Variants in PRKN observed in about 807,000 individuals in gnomAD.
PRKN encodes E3 ubiquitin-protein ligase parkin.
A neutral mutation model predicts 59.5 loss-of-function variants in PRKN; 56 were observed. The ratio of observed to expected loss-of-function variants is 0.94; its 90% CI spans 0.76 to 1.18. The LOEUF (loss-of-function observed/expected upper bound fraction) is 1.18, where lower values mean the gene tolerates loss of function less well. Ranked by LOEUF, PRKN falls within the 50% of genes most tolerant of loss-of-function variation. The pLI is 0.00. For synonymous variants in PRKN, 250 were observed against 222.1 expected, an observed-to-expected ratio of 1.13 and a Z score of -1.12; for missense variants, 657 against 596.4, an observed-to-expected ratio of 1.10 and a Z score of -1.06.
intron 10 of PRKN, among the ~76,000 whole-genome samples, chr6:161,368,533 C>T (rs1020303507): frequency 2.5e-4 from 38 of 151,106 alleles, no homozygotes; most frequent in Non-Finnish European, 1.0e-4. Flanking sequence ...CCAGACTAGG[C>T]GACAGGGCAA....
At chr6:162,136,825 T>C (rs1781578288) in intron 4 of PRKN, among the ~76,000 whole-genome samples, 1 of 152,192 alleles carries the variant, frequency 6.6e-6, no homozygotes, top group South Asian at 2.1e-4. Context: ...TTATTGTTTA[T>C]TGTCAGTTGC....
chr6:161,724,445 G>C (rs1390592408), intron 7 of PRKN, among the ~76,000 whole-genome samples: 1 of 152,158 alleles, frequency 6.6e-6, no homozygotes, highest in East Asian at 1.9e-4. Flanking sequence ...TTCTCTCTCA[G>C]GGATGGTGCC....
intron 6 of PRKN, among the ~76,000 whole-genome samples, chr6:161,931,950 C>T (rs1320554694): frequency 1.3e-5 from 2 of 152,108 alleles, no homozygotes; most frequent in African/African-American, 4.8e-5. Context: ...ATTCATCCAT[C>T]GAAGGCAATG....
At chr6:162,265,447 T>C (rs577571713) in intron 2 of PRKN, among the ~76,000 whole-genome samples, 18 of 152,130 alleles carry the variant, frequency 1.2e-4, no homozygotes, top group South Asian at 2.1e-4. Context: ...TCCAAGCACT[T>C]TGGGAGACTG....
intron 4 of PRKN, among the ~76,000 whole-genome samples, chr6:162,189,932 C>T (rs1030461661): frequency 4.6e-5 from 7 of 151,930 alleles, no homozygotes; most frequent in African/African-American, 7.3e-5. Flanking sequence ...TCTGAGTGTA[C>T]GCTTATTAGC....
chr6:162,080,156 C>G (rs181156692), intron 4 of PRKN, among the ~76,000 whole-genome samples: 4 of 152,116 alleles, frequency 2.6e-5, no homozygotes, highest in African/African-American at 9.6e-5. Flanking sequence ...GAGATGATTT[C>G]TAAAGAGAGA....
At chr6:162,203,093 GA>G (rs1784797617) in intron 3 of PRKN, among the ~76,000 whole-genome samples, 1 of 152,140 alleles carries the variant, frequency 6.6e-6, no homozygotes, top group South Asian at 2.1e-4. Flanking sequence ...AATATTAAAA[GA>G]AGCATCTCAG....
At chr6:162,140,637 C>G (rs1416778196) in intron 4 of PRKN, among the ~76,000 whole-genome samples, 1 of 152,106 alleles carries the variant, frequency 6.6e-6, no homozygotes, top group Non-Finnish European at 1.5e-5. Flanking sequence ...GGAGGAAAGA[C>G]AATTGCCACA....
At chr6:162,715,865 A>G (rs1191341081) in intron 1 of PRKN, among the ~76,000 whole-genome samples, 3 of 152,118 alleles carry the variant, frequency 2.0e-5, no homozygotes, top group Admixed American at 2.0e-4. Flanking sequence ...TCTCTGTTTC[A>G]AACGCGCTTT....
chr6:162,726,539 T>C lies in PRKN; in HGVS notation c.7+1123A>G, dbSNP rs1479232539. On this transcript the variant is annotated intron_variant, in intron 1 of 11. Transcript: ENST00000366898. ...CATTCTTGTTTTACCACAAAGACCA[T>C]GCCAGTTAGCTGGCTTGATTCTCCC... Among the ~76,000 whole-genome samples the C allele has an allele frequency of 2.6e-5, 4 of 152,348 alleles. No homozygotes were observed. The East Asian group carries it at 7.7e-4, about 29-fold the overall frequency.
intron 2 of PRKN, chr6:162,269,903 A>G (rs1465721711): frequency 2.0e-5 from 3 of 152,110 alleles, no homozygotes; most frequent in African/African-American, 7.2e-5. Flanking sequence ...ATCAGGGAAC[A>G]CTTCTACACT....
At chr6:162,617,320 T>C (rs1292403279) in intron 1 of PRKN, among the ~76,000 whole-genome samples, 1 of 152,080 alleles carries the variant, frequency 6.6e-6, no homozygotes, top group East Asian at 1.9e-4. Flanking sequence ...CAACAAACAC[T>C]TCCCAGGTTC....
rs1047416282 is a variant in PRKN, at chr6:161,446,645, T to C, written c.1084-59768A>G. Among the ~76,000 whole-genome samples, 2 of 152,222 alleles carry C rather than the reference T, an allele frequency of 1.3e-5. No individual in the cohort carries two copies. The highest frequency in any genetic ancestry group is 4.8e-5 in the African/African-American group (2 of 41,476). On this transcript the variant is annotated intron_variant, in intron 9 of 11. Transcript: ENST00000366898. The surrounding 1 kb of genome is among the most constrained non-coding windows in gnomAD (Gnocchi z 6.2). ...TTGAAACTAAATGCAGCCTCTTTTC[T>C]ACCCATGATTTATTAGACCTCCCCT...
chr6:162,443,583 T>A, intron 1 of PRKN, 110 bp from the exon 2 acceptor site: 1 of 968,188 alleles, frequency 1.0e-6, no homozygotes, highest in South Asian at 1.3e-5. Context: ...CTTCAGTGAA[T>A]GGTATATATT....
rs1278499479 is a variant in PRKN, at chr6:161,390,888, C to G, written c.1084-4011G>C. 6.6e-6 allele frequency among the ~76,000 whole-genome samples: 1 copy of G among 152,102 alleles called. No individual in the cohort carries two copies. The highest frequency in any genetic ancestry group is 1.5e-5 in the Non-Finnish European group (1 of 68,044). On this transcript the variant is annotated intron_variant, in intron 9 of 11. Transcript: ENST00000366898. This position sits in a 1 kb window ranked among gnomAD's most constrained non-coding sequence, Gnocchi z 7.0. ...CTATTAAGTCGTTATGACATTAATT[C>G]TTACTATGCTACGTGGTACAAAACC...
At chr6:162,211,566 T>TAACGTA (rs760398674) in intron 3 of PRKN, among the ~76,000 whole-genome samples, 1 of 152,182 alleles carries the variant, frequency 6.6e-6, no homozygotes, top group Non-Finnish European at 1.5e-5. Context: ...ACCTGTTACG[T>TAACGTA]AAATGAACCC....
Position 161,466,554 on chromosome 6 carries a change from G to C in PRKN, c.1084-79677C>G, listed in dbSNP as rs1225164883. On this transcript the variant is annotated intron_variant, in intron 9 of 11. Transcript: ENST00000366898. The surrounding 1 kb of genome is among the most constrained non-coding windows in gnomAD (Gnocchi z 5.0). Reference sequence around the variant, plus strand: ...TTGCTCAACTAACTCAGACACTGTGGATGTTAGGATGAAGGTACAGTTTGC... The same window carrying C: ...TTGCTCAACTAACTCAGACACTGTGCATGTTAGGATGAAGGTACAGTTTGC... 1.3e-5 allele frequency among the ~76,000 whole-genome samples: 2 copies of C among 152,164 alleles called. No homozygotes were observed. The highest frequency in any genetic ancestry group is 2.9e-5 in the Non-Finnish European group (2 of 68,028).
intron 7 of PRKN, among the ~76,000 whole-genome samples, chr6:161,724,726 G>T (rs1373180097): frequency 6.6e-6 from 1 of 152,110 alleles, no homozygotes; most frequent in African/African-American, 2.4e-5. Flanking sequence ...TATACCCGGA[G>T]GTCTGGCAAT....
intron 1 of PRKN, among the ~76,000 whole-genome samples, chr6:162,659,074 G>A (rs1167551278): frequency 6.6e-6 from 1 of 152,132 alleles, no homozygotes; most frequent in Non-Finnish European, 1.5e-5. Flanking sequence ...ACTTTTTATG[G>A]ATTAATCATT....
Sources: gnomAD v4.1 joint callset for allele counts (sites outside exome capture counted in the v4.1 genomes callset) on GRCh38, gnomAD v4.1.1 for gene constraint, Gnocchi (gnomAD v3.1) non-coding constraint, MANE v1.5 for transcripts, NCBI Gene and HGNC (gene_info 2026-07-23, HGNC 2026-07-21) for gene names.